EIF3A: variants seen among roughly 807,000 people sequenced by gnomAD.
The protein encoded by EIF3A is eukaryotic translation initiation factor 3 subunit A, also known as EIF3, p180 subunit.
Under a neutral mutation model 186.6 loss-of-function variants are expected in EIF3A, and 21 were observed. The observed-to-expected ratio is 0.11, with a 90% CI of 0.08 to 0.16. The LOEUF is 0.16. EIF3A is among the 10% of genes least tolerant of loss of function. The pLI is 1.00. For synonymous variants in EIF3A, 563 were observed against 584.3 expected (o/e 0.96, Z 0.52); for missense variants, 1,306 against 1,796.3 (o/e 0.73, Z 4.93).
Position 119,050,574 on chromosome 10 carries a change from T to C in EIF3A, c.2420A>G (p.Tyr807Cys), listed in dbSNP as rs758704628. 2.1e-5 allele frequency: 34 copies of C among 1,614,016 alleles called. No individual in the cohort carries two copies. In the East Asian group the frequency reaches 5.1e-4, roughly 24 times the overall value. ...CTGCTCCTCCTCTTCTTTTTCTCTA[T>C]AGTATGTTATCCTGCGTTCTTCTTT... ...QRKEERRITY[Y>C]REKEEEEQRR... Residue 807 changes from tyrosine (Y) to cysteine (C), a missense_variant, in exon 16 of 22, where the codon TAT (tyrosine) becomes TGT (cysteine). Physicochemically the swap from Tyr to Cys is radical, Grantham distance 194 (BLOSUM62 -2). Coordinates refer to ENST00000369144, the MANE Select transcript of EIF3A (RefSeq NM_003750.4).
intron 14 of EIF3A, among the ~76,000 whole-genome samples, chr10:119,056,147 C>T (rs972416173): frequency 6.6e-6 from 1 of 152,150 alleles, no homozygotes; most frequent in African/African-American, 2.4e-5. Context: ...ACTTTTATTA[C>T]ATATTTGGTG....
chr10:119,042,740 T>A lies in EIF3A; in HGVS notation c.2780A>T (p.Asp927Val), dbSNP rs369943865. 2.5e-6 allele frequency: 4 copies of A among 1,611,276 alleles called. No homozygotes were observed. Among genetic ancestry groups the A allele is most frequent in the South Asian group, 2.2e-5 (2 of 91,070 alleles). Residue 927 changes from aspartate (D) to valine (V), a missense_variant, in exon 19 of 22, where the codon GAC becomes GTC. By Grantham distance (152) the Asp-to-Val change is radical. Coordinates refer to ENST00000369144, the MANE Select transcript of EIF3A (RefSeq NM_003750.4). This position sits in a 1 kb window ranked among gnomAD's most constrained non-coding sequence, Gnocchi z 7.8. ...CTCTTCATCTCTTCTATGAGACCTG[T>A]CCTCATCTCGCCCTTCTCCACGTCT... is the stretch of plus-strand genomic sequence containing the variant. ...EWRRGEGRDE[D>V]RSHRRDEERP... is the part of the protein sequence containing the mutation.
intron 13 of EIF3A, 36 bp from the exon 14 acceptor site, chr10:119,056,889 T>C: frequency 6.3e-7 from 1 of 1,595,244 alleles, no homozygotes. Context: ...TTTTAAAAAA[T>C]CTCTCTTAAC....
chr10:119,057,731 C>G (rs1024017150), intron 12 of EIF3A, among the ~76,000 whole-genome samples: 1 of 152,080 alleles, frequency 6.6e-6, no homozygotes, highest in Non-Finnish European at 1.5e-5. Context: ...GCTGAGATCA[C>G]GTCACTGCAC....
At chr10:119,036,783 ACTT>A (rs2119817017) in intron 21 of EIF3A, among the ~76,000 whole-genome samples, 1 of 152,276 alleles carries the variant, frequency 6.6e-6, no homozygotes, top group South Asian at 2.1e-4. Context: ...AACAGAATAA[ACTT>A]CTGTTACAAT....
chr10:119,036,327 T>C, intron 21 of EIF3A, 59 bp from the exon 22 acceptor site: 1 of 1,114,336 alleles, frequency 9.0e-7, no homozygotes, highest in Non-Finnish European at 1.3e-6. Context: ...TTGGCTCAAA[T>C]TACTCAAAAT....
Position 119,056,949 on chromosome 10 carries a change from T to C in EIF3A, c.2069A>G (p.Asn690Ser). ...CCTTTCATTTACCTTCTTTTCTTGA[T>C]TCTTTAGGCGTTCTTGAAGTTCTTT... ...EKKELQERLK[N>S]QEKKIDYFER... Residue 690 changes from asparagine (N) to serine (S), a missense_variant, in exon 13 of 22, where the codon AAT becomes AGT. Coordinates refer to ENST00000369144, the MANE Select transcript of EIF3A (RefSeq NM_003750.4). 1 of 1,611,436 alleles carries C rather than the reference T, an allele frequency of 6.2e-7. No homozygotes were observed.
rs1356900239 is a variant in EIF3A, at chr10:119,037,245, G to A, written c.3793C>T (p.Arg1265Trp). ...ESSSWRDSSR[R>W]DDRDRDDRRR... The stretch of plus-strand genomic sequence containing the variant: ...CGGTCATCCCTATCCCTATCGTCCC[G>A]GCGACTTGAGTCTCTCCAGCTTGAA... Residue 1265 changes from arginine (R) to tryptophan (W), a missense_variant, in exon 21 of 22, where the codon CGG (arginine) becomes TGG (tryptophan). Arg to Trp is a moderately radical substitution (Grantham distance 101). This residue lies in a region of EIF3A where 331 missense variants were observed against 365.8 expected (regional missense o/e 0.90). Coordinates refer to ENST00000369144, the MANE Select transcript of EIF3A (RefSeq NM_003750.4). 1.9e-5 allele frequency: 30 copies of A among 1,613,788 alleles called. No individual in the cohort carries two copies. In the East Asian group the frequency reaches 2.5e-4, roughly 13 times the overall value.
Position 119,073,905 on chromosome 10 carries a change from G to A in EIF3A, c.82C>T (p.Leu28=), listed in dbSNP as rs1413057964. 6.3e-6 allele frequency: 10 copies of A among 1,598,080 alleles called. No individual in the cohort carries two copies. Among genetic ancestry groups the A allele is most frequent in the Non-Finnish European group, 6.0e-6 (7 of 1,174,978 alleles). Residue 28 remains leucine (L), a synonymous_variant, in exon 2 of 22, where the codon CTG becomes TTG. Transcript: ENST00000369144. ...TTCATAACATCATAAAGAACATCCA[G>A]AGCAGGCTGCTTTTTGCCAACCTCA... ...FLEVGKKQPA[L]DVLYDVMKSK...
intron 1 of EIF3A, chr10:119,080,237 G>A: frequency 2.3e-6 from 2 of 853,316 alleles, no homozygotes; most frequent in Non-Finnish European, 2.8e-6. Context: ...TTACTCCCCG[G>A]CACTCCCAGA....
rs1219449553 is a variant in EIF3A at position 119,042,455 on chromosome 10, A to G, written c.3065T>C (p.Leu1022Pro). 3.1e-6 allele frequency: 5 copies of G among 1,613,412 alleles called. No individual in the cohort carries two copies. The highest frequency in any genetic ancestry group is 4.2e-6 in the Non-Finnish European group (5 of 1,179,818). The change falls in exon 19 of 22, where the codon CTG becomes CCG. Residue 1022 changes from leucine to proline, a missense_variant. Leu to Pro is a moderately conservative substitution (Grantham distance 98). Transcript: ENST00000369144. This position sits in a 1 kb window ranked among gnomAD's most constrained non-coding sequence, Gnocchi z 7.8. ...TCGCCAGCTTCCTCTGTCCTCATCC[A>G]GTCCTCGTCTAGGTGGTCTGTCATC... ...ADDDRPPRRGLDEDRGSWRTA... is the reference protein window; with the variant it reads ...ADDDRPPRRGPDEDRGSWRTA...
intron 7 of EIF3A, among the ~76,000 whole-genome samples, chr10:119,062,110 C>T (rs997796568): frequency 6.6e-6 from 1 of 152,160 alleles, no homozygotes; most frequent in Admixed American, 6.5e-5. Context: ...CATTCTAACA[C>T]TTCCTCCTTA....
At chr10:119,067,216 C>T (rs1166805520) in intron 6 of EIF3A, among the ~76,000 whole-genome samples, 1 of 128,746 alleles carries the variant, frequency 7.8e-6, no homozygotes, top group Non-Finnish European at 1.7e-5. Context: ...AATTCTGTCT[C>T]AAAAAAAAAA....
chr10:119,071,750 G>C (rs1844074009), intron 4 of EIF3A, among the ~76,000 whole-genome samples: 8 of 152,148 alleles, frequency 5.3e-5, no homozygotes, highest in Admixed American at 5.2e-4. Flanking sequence ...ATTCAGCTGG[G>C]CGCGATGGCT....
intron 6 of EIF3A, among the ~76,000 whole-genome samples, chr10:119,067,159 C>G (rs1029413774): frequency 6.6e-6 from 1 of 151,294 alleles, no homozygotes; most frequent in Non-Finnish European, 1.5e-5. Context: ...GAGGTTGCAG[C>G]GAGCCAAGAC....
At position 119,037,167 on chromosome 10, in the gene EIF3A, C is replaced by G; in HGVS notation, c.3871G>C (p.Asp1291His). Residue 1291 changes from aspartate (D) to histidine (H), a missense_variant, in exon 21 of 22, where the codon GAC (aspartate) becomes CAC (histidine). Asp to His is a moderately conservative substitution (Grantham distance 81, BLOSUM62 -1). This residue lies in a region of EIF3A where 331 missense variants were observed against 365.8 expected (regional missense o/e 0.90). Transcript: ENST00000369144. ...RDLRERRDLR[D>H]DRDRRGPPLR... ...GGAGGTCCTCTTCGGTCCCTGTCGT[C>G]TCTTAGATCTCGTCTTTCTCTTAGA... 1 of 1,603,242 alleles carries G rather than the reference C, an allele frequency of 6.2e-7. No individual in the cohort carries two copies. Among genetic ancestry groups the G allele is most frequent in the Non-Finnish European group, 8.5e-7 (1 of 1,174,124 alleles).
At chr10:119,070,418 G>C (rs1432853362) in intron 5 of EIF3A, among the ~76,000 whole-genome samples, 1 of 152,112 alleles carries the variant, frequency 6.6e-6, no homozygotes, top group Non-Finnish European at 1.5e-5. Context: ...TTAAATTTCT[G>C]ACCTCTTACC....
intron 10 of EIF3A, 56 bp from the exon 11 acceptor site, chr10:119,059,453 G>A: frequency 2.2e-6 from 3 of 1,373,140 alleles, no homozygotes; most frequent in South Asian, 1.3e-5. Flanking sequence ...AAGTCAAAAA[G>A]TAACAGAAGA....
In EIF3A at chr10:119,049,678, G is replaced by C. The variant is rs1589687919; in HGVS notation, c.2658+123C>G. ...GAGACACGAGAATCACTTGAACCCG[G>C]GGGCTGAGATTGCACCACTGTACTC... is the stretch of plus-strand genomic sequence containing the variant. On this transcript the variant is annotated intron_variant, in intron 17 of 21. Coordinates refer to ENST00000369144, the MANE Select transcript of EIF3A (RefSeq NM_003750.4). 4 of 769,540 alleles carry C rather than the reference G, an allele frequency of 5.2e-6. No individual in the cohort carries two copies. The East Asian group carries it at 1.0e-4, about 19-fold the overall frequency. 47.7% of individuals were successfully genotyped at this position (769,540 alleles called of 1,614,324 possible).
Sources: allele counts gnomAD v4.1 joint callset (sites outside exome capture counted in the v4.1 genomes callset), GRCh38; gene constraint gnomAD v4.1.1; regional missense constraint gnomAD v4.1.1; non-coding constraint Gnocchi (gnomAD v3.1); transcripts MANE v1.5; gene names NCBI Gene and HGNC (gene_info 2026-07-23, HGNC 2026-07-21).